The following ATP6V1C1 variants were observed in gnomAD, a reference collection of about 807,000 sequenced individuals.
ATP6V1C1 encodes the protein ATPase H+ transporting V1 subunit C1.
A neutral mutation model predicts 53.9 loss-of-function variants in ATP6V1C1; 45 were observed. The ratio of observed to expected loss-of-function variants is 0.83; its 90% CI spans 0.66 to 1.07. ATP6V1C1 has a LOEUF of 1.07. Ranked by LOEUF, ATP6V1C1 falls within the 50% of genes least tolerant of loss-of-function variation. The pLI is 0.00. For missense variants in ATP6V1C1, 315 were observed against 440.3 expected (o/e 0.72, Z 2.55); for synonymous variants, 153 against 155.2 (o/e 0.99, Z 0.11).
intron 3 of ATP6V1C1, among the ~76,000 whole-genome samples, chr8:103,047,430 G>GCGCGCACACACACACA (rs1491170438): frequency 2.9e-5 from 3 of 104,948 alleles, no homozygotes; most frequent in African/African-American, 1.0e-4. Context: ...AAATGCGCGC[G>GCGCGCACACACACACA]CACACACACA....
intron 1 of ATP6V1C1, 103 bp from the exon 2 acceptor site, chr8:103,040,695 A>T: frequency 1.0e-6 from 1 of 958,462 alleles, no homozygotes; most frequent in Non-Finnish European, 1.5e-6. Context: ...ACATTAGATT[A>T]GTTTTGAAAC....
At chr8:103,058,007 A>G (rs956916014) in intron 8 of ATP6V1C1, among the ~76,000 whole-genome samples, 9 of 152,130 alleles carry the variant, frequency 5.9e-5, no homozygotes, top group African/African-American at 2.2e-4. Flanking sequence ...GTAGAGGAGG[A>G]GAGTGAGGAC....
intron 1 of ATP6V1C1, 30 bp from the exon 2 acceptor site, chr8:103,040,768 G>T: frequency 6.5e-7 from 1 of 1,541,746 alleles, no homozygotes; most frequent in Non-Finnish European, 8.8e-7. Flanking sequence ...GATTTTAAAT[G>T]TGATTTTTTT....
intron 12 of ATP6V1C1, 80 bp downstream of exon 12, chr8:103,066,527 A>T: frequency 7.2e-7 from 1 of 1,392,816 alleles, no homozygotes; most frequent in Non-Finnish European, 9.5e-7. Flanking sequence ...TAGACAGAAA[A>T]GGGAGGGTAA....
At chr8:103,049,868 G>C (rs1172808725) in intron 4 of ATP6V1C1, among the ~76,000 whole-genome samples, 1 of 152,056 alleles carries the variant, frequency 6.6e-6, no homozygotes, top group Non-Finnish European at 1.5e-5. Context: ...GAGGAGGGGG[G>C]ATTGCTTGAG....
chr8:103,069,377 A>G lies in ATP6V1C1; in HGVS notation c.*630A>G, dbSNP rs1333288162. ...TATGCTGCTTCCAGGATTTTGTTATATGCTGAGGTGTAACCATTTGTGTTG... is the reference window on the plus strand; with the variant it reads ...TATGCTGCTTCCAGGATTTTGTTATGTGCTGAGGTGTAACCATTTGTGTTG... On this transcript the variant is annotated 3_prime_UTR_variant, in exon 13 of 13. Coordinates refer to ENST00000518738, the MANE Select transcript of ATP6V1C1 (RefSeq NM_001695.5). The G allele has an allele frequency of 6.6e-6, 1 of 152,212 alleles. No individual in the cohort carries two copies. The highest frequency in any genetic ancestry group is 1.5e-5 in the Non-Finnish European group (1 of 68,030). The allele number at this position is 152,212 out of a possible 1,614,324, so 9.4% of individuals were successfully genotyped here.
intron 1 of ATP6V1C1, among the ~76,000 whole-genome samples, chr8:103,037,118 G>A (rs1816912739): frequency 6.6e-6 from 1 of 152,156 alleles, no homozygotes; most frequent in Non-Finnish European, 1.5e-5. Context: ...CCGGCGATAG[G>A]TGGTGATGTG....
intron 1 of ATP6V1C1, among the ~76,000 whole-genome samples, chr8:103,032,287 G>A (rs192069911): frequency 4.6e-5 from 7 of 152,218 alleles, no homozygotes; most frequent in East Asian, 1.9e-4. Flanking sequence ...TCATTAGTCC[G>A]CATGGAAATG....
intron 8 of ATP6V1C1, 100 bp downstream of exon 8, chr8:103,056,036 A>G: frequency 8.7e-7 from 1 of 1,147,600 alleles, no homozygotes; most frequent in South Asian, 1.3e-5. Context: ...CTTTGTGATA[A>G]ATTAACCTCA....
rs1817012755 is a variant in ATP6V1C1 at position 103,042,192 on chromosome 8, TG to T, written c.133-146del. The T allele has an allele frequency of 1.9e-5, 14 of 753,988 alleles. No individual in the cohort carries two copies. In the South Asian group the frequency reaches 2.2e-4, roughly 12 times the overall value. The allele number at this position is 753,988 out of a possible 1,614,324, so 46.7% of individuals were successfully genotyped here. On this transcript the variant is annotated intron_variant, in intron 2 of 12. Transcript: ENST00000518738. ...TACATATAAATAGCTTTGAAATGTC[TG>T]GCAAACATCTTTTAACTGTACTTAC... is the stretch of plus-strand genomic sequence containing the variant.
chr8:103,063,535 C>T (rs1028676343), intron 10 of ATP6V1C1, among the ~76,000 whole-genome samples: 2 of 152,086 alleles, frequency 1.3e-5, no homozygotes, highest in Admixed American at 6.5e-5. Context: ...CCATATCAGA[C>T]ATTAATTTTA....
intron 3 of ATP6V1C1, among the ~76,000 whole-genome samples, chr8:103,042,710 T>C (rs1342362903): frequency 6.6e-6 from 1 of 152,200 alleles, no homozygotes; most frequent in African/African-American, 2.4e-5. Flanking sequence ...TGTGTAACCA[T>C]TGCCACAATC....
At chr8:103,040,763 T>TAA (rs2131388737) in intron 1 of ATP6V1C1, 35 bp from the exon 2 acceptor site, 2 of 1,533,532 alleles carry the variant, frequency 1.3e-6, no homozygotes, top group South Asian at 2.4e-5. Flanking sequence ...CAAATGATTT[T>TAA]AAATGTGATT....
At chr8:103,063,319 C>T in intron 10 of ATP6V1C1, 91 bp downstream of exon 10, 9 of 853,476 alleles carry the variant, frequency 1.1e-5, no homozygotes, top group South Asian at 4.2e-5. Context: ...TAAAAATCTG[C>T]TTTGGTTTTA....
At chr8:103,061,032 T>C (rs1563609420) in intron 8 of ATP6V1C1, among the ~76,000 whole-genome samples, 1 of 152,238 alleles carries the variant, frequency 6.6e-6, no homozygotes, top group Admixed American at 6.5e-5. Flanking sequence ...GATTTGGATT[T>C]GTTTTGATCT....
intron 1 of ATP6V1C1, among the ~76,000 whole-genome samples, chr8:103,031,472 T>G (rs1306547161): frequency 1.3e-5 from 2 of 151,962 alleles, no homozygotes. Flanking sequence ...GGAGCAGGAG[T>G]GTCACATGGT....
chr8:103,053,775 C>G, intron 6 of ATP6V1C1, 109 bp from the exon 7 acceptor site: 3 of 733,730 alleles, frequency 4.1e-6, no homozygotes, highest in Non-Finnish European at 6.8e-6. Flanking sequence ...TAAGACTAAT[C>G]CCTCTCAATG....
chr8:103,032,006 A>C lies in ATP6V1C1; in HGVS notation c.-39-8792A>C, dbSNP rs1187804674. On this transcript the variant is annotated intron_variant, in intron 1 of 12. Coordinates refer to ENST00000518738, the MANE Select transcript of ATP6V1C1 (RefSeq NM_001695.5). ...GCTACAGAAAGCATATATTGTAAAA[A>C]AAAAACAAAAAACAAAAAACAAAAA... Among the ~76,000 whole-genome samples, 4 of 84,364 alleles carry C rather than the reference A, an allele frequency of 4.7e-5. No individual in the cohort carries two copies. The East Asian group carries it at 1.4e-3, about 30-fold the overall frequency. The allele number at this position is 84,364 out of a possible 152,430, so 55.3% of individuals were successfully genotyped here.
intron 1 of ATP6V1C1, among the ~76,000 whole-genome samples, chr8:103,027,685 G>T (rs1816722809): frequency 1.4e-5 from 2 of 146,156 alleles, no homozygotes. Context: ...TCCCTTCCAT[G>T]TTGAAAAATA....
Sources: allele counts gnomAD v4.1 joint callset (sites outside exome capture counted in the v4.1 genomes callset), GRCh38; gene constraint gnomAD v4.1.1; transcripts MANE v1.5; gene names NCBI Gene and HGNC (gene_info 2026-07-23, HGNC 2026-07-21).